The following PCGF6 variants were observed in gnomAD, a reference collection of about 807,000 sequenced individuals.
PCGF6 encodes polycomb group ring finger 6.
A neutral mutation model predicts 45.5 loss-of-function variants in PCGF6; 24 were observed. The ratio of observed to expected loss-of-function variants is 0.53; its 90% CI spans 0.38 to 0.74. The LOEUF is 0.74. PCGF6 is among the 30% of genes least tolerant of loss of function. The pLI is 0.00. For synonymous variants in PCGF6, 152 were observed against 162.1 expected (o/e 0.94, Z 0.47); for missense variants, 356 against 443.2 (o/e 0.80, Z 1.77).
Position 103,337,835 on chromosome 10 carries a change from C to A in PCGF6, c.783-3883G>T, listed in dbSNP as rs535453242. ...ATCCCAGCACTTTGGGAGGCCGAGG[C>A]GGGCGGATCACGAGGTCAGGAGATC... On this transcript the variant is annotated intron_variant, in intron 6 of 9. Transcript: ENST00000369847. 3.1e-5 allele frequency among the ~76,000 whole-genome samples: 2 copies of A among 63,666 alleles called. 1 individual carries two copies. The highest frequency in any genetic ancestry group is 1.8e-3 in the South Asian group (2 of 1,128). 41.8% of individuals were successfully genotyped at this position (63,666 alleles called of 152,430 possible).
At chr10:103,323,404 C>T (rs919747350) in intron 8 of PCGF6, among the ~76,000 whole-genome samples, 11 of 151,862 alleles carry the variant, frequency 7.2e-5, no homozygotes, top group African/African-American at 2.7e-4. Flanking sequence ...TCAAGTGATT[C>T]TCCTGCCTCA....
At chr10:103,325,205 T>C (rs990820709) in intron 8 of PCGF6, among the ~76,000 whole-genome samples, 2 of 151,468 alleles carry the variant, frequency 1.3e-5, no homozygotes, top group African/African-American at 4.9e-5. Context: ...CCCTATTAGA[T>C]AAAAATATTT....
intron 8 of PCGF6, among the ~76,000 whole-genome samples, chr10:103,322,349 G>A (rs569266996): frequency 6.6e-6 from 1 of 152,182 alleles, no homozygotes; most frequent in African/African-American, 2.4e-5. Flanking sequence ...TTACAGGTGT[G>A]CGCTTAATTT....
chr10:103,342,766 T>C (rs1411025659), intron 6 of PCGF6, among the ~76,000 whole-genome samples: 1 of 152,192 alleles, frequency 6.6e-6, no homozygotes, highest in Non-Finnish European at 1.5e-5. Context: ...TTATTTAACC[T>C]ACTCCCTTAT....
intron 9 of PCGF6, among the ~76,000 whole-genome samples, chr10:103,305,496 C>G (rs1370625430): frequency 2.0e-5 from 3 of 151,922 alleles, no homozygotes; most frequent in Non-Finnish European, 4.4e-5. Flanking sequence ...GTCCCGAACT[C>G]CTGACCTCAG....
At chr10:103,308,893 T>TAAAA in intron 9 of PCGF6, among the ~76,000 whole-genome samples, 1 of 151,792 alleles carries the variant, frequency 6.6e-6, no homozygotes, top group Non-Finnish European at 1.5e-5. Flanking sequence ...AATAAATAAA[T>TAAAA]AAAAATAAAA....
At chr10:103,305,657 A>G (rs2093135746) in intron 9 of PCGF6, among the ~76,000 whole-genome samples, 3 of 152,124 alleles carry the variant, frequency 2.0e-5, no homozygotes, top group Admixed American at 2.0e-4. Context: ...GTTCACTTCC[A>G]CATAAATGCA....
At chr10:103,335,901 A>G (rs1183396277) in intron 6 of PCGF6, among the ~76,000 whole-genome samples, 1 of 151,406 alleles carries the variant, frequency 6.6e-6, no homozygotes, top group Non-Finnish European at 1.5e-5. Context: ...CGGGAGGCGG[A>G]GGTTGCAGTG....
intron 9 of PCGF6, among the ~76,000 whole-genome samples, chr10:103,308,682 G>C (rs1283969786): frequency 6.6e-6 from 1 of 151,894 alleles, no homozygotes; most frequent in Admixed American, 6.6e-5. Context: ...GACCAGCCGG[G>C]GCAACATGGT....
rs1413619139 is a variant in PCGF6 at position 103,324,493 on chromosome 10, T to C, written c.909+2041A>G. ...AAATATTATGGCTGGGCGCGGTGGC[T>C]TATGCCTGTAATCCCAGCACTTTGG... On this transcript the variant is annotated intron_variant, in intron 8 of 9. Coordinates refer to ENST00000369847, the MANE Select transcript of PCGF6 (RefSeq NM_001011663.2). 3.3e-5 allele frequency among the ~76,000 whole-genome samples: 5 copies of C among 152,116 alleles called. No individual in the cohort carries two copies. In the East Asian group the frequency reaches 9.7e-4, roughly 29 times the overall value.
rs1191074314 is a variant in PCGF6, at chr10:103,302,804, A to AAT, written c.*1099_*1100dup. On this transcript the variant is annotated 3_prime_UTR_variant, in exon 10 of 10. Coordinates refer to ENST00000369847, the MANE Select transcript of PCGF6 (RefSeq NM_001011663.2). ...ACACTAACATTCCCAAATAGGTTAA[A>AAT]ATACATTTTTATTAAATGTTAGAAT... The AAT allele has an allele frequency of 1.3e-5, 2 of 152,174 alleles. No homozygotes were observed. The highest frequency in any genetic ancestry group is 2.9e-5 in the Non-Finnish European group (2 of 68,032). 9.4% of individuals were successfully genotyped at this position (152,174 alleles called of 1,614,324 possible).
chr10:103,333,965 A>T lies in PCGF6; in HGVS notation c.783-13T>A, dbSNP rs1592069397. 1 of 1,518,734 alleles carries T rather than the reference A, an allele frequency of 6.6e-7. No homozygotes were observed. The highest frequency in any genetic ancestry group is 8.8e-7 in the Non-Finnish European group (1 of 1,132,438). 94.1% of individuals were successfully genotyped at this position (1,518,734 alleles called of 1,614,324 possible). On this transcript the variant is annotated splice_polypyrimidine_tract_variant and intron_variant, in intron 6 of 9. Transcript: ENST00000369847. The stretch of plus-strand genomic sequence containing the variant: ...GCCTTCATTAGCACTGAAAAATGAG[A>T]GCAAAATTAATCAATATTTAATACT...
At chr10:103,316,013 T>TATATAG (rs1311416309) in intron 8 of PCGF6, among the ~76,000 whole-genome samples, 116 of 119,486 alleles carry the variant, frequency 9.7e-4, no homozygotes, top group African/African-American at 3.6e-3. Context: ...TATATATATA[T>TATATAG]AGAGAGAGAG....
intron 8 of PCGF6, among the ~76,000 whole-genome samples, chr10:103,321,024 G>A (rs956439735): frequency 6.6e-6 from 1 of 152,104 alleles, no homozygotes; most frequent in Non-Finnish European, 1.5e-5. Context: ...AACAATTTTA[G>A]TCCCCAATTA....
At chr10:103,309,413 T>C (rs995388883) in intron 9 of PCGF6, among the ~76,000 whole-genome samples, 16 of 152,186 alleles carry the variant, frequency 1.1e-4, no homozygotes, top group Admixed American at 7.2e-4. Context: ...TGTTTAAAAG[T>C]GTGTAGCACT....
intron 6 of PCGF6, among the ~76,000 whole-genome samples, chr10:103,334,203 T>C (rs1466540020): frequency 2.0e-5 from 3 of 152,150 alleles, no homozygotes; most frequent in African/African-American, 4.8e-5. Context: ...ATATTCTCTT[T>C]TTTTGATGGA....
rs555420153 is a variant in PCGF6 at position 103,325,091 on chromosome 10, C to T, written c.909+1443G>A. ...CGGAAGTTGCAGAGAGCCGAGATCA[C>T]GCCATTGCACTCCAGCCTGGGCAAC... On this transcript the variant is annotated intron_variant, in intron 8 of 9. Coordinates refer to ENST00000369847, the MANE Select transcript of PCGF6 (RefSeq NM_001011663.2). Among the ~76,000 whole-genome samples the T allele has an allele frequency of 7.3e-5, 11 of 151,440 alleles. No homozygotes were observed. The East Asian group carries it at 1.9e-3, about 27-fold the overall frequency.
intron 9 of PCGF6, among the ~76,000 whole-genome samples, chr10:103,313,241 C>A (rs955381144): frequency 1.3e-5 from 2 of 152,134 alleles, no homozygotes; most frequent in African/African-American, 4.8e-5. Context: ...CTGGGCCACA[C>A]TGGAAGAACT....
intron 6 of PCGF6, among the ~76,000 whole-genome samples, chr10:103,340,525 T>C (rs903687259): frequency 6.6e-6 from 1 of 151,864 alleles, no homozygotes; most frequent in African/African-American, 2.4e-5. Context: ...AATATCTGAC[T>C]TTTCAAAAAA....
Sources: allele counts gnomAD v4.1 joint callset (sites outside exome capture counted in the v4.1 genomes callset), GRCh38; gene constraint gnomAD v4.1.1; transcripts MANE v1.5; gene names NCBI Gene and HGNC (gene_info 2026-07-23, HGNC 2026-07-21).